PREX1: variants seen among roughly 807,000 people sequenced by gnomAD.
PREX1 encodes the protein phosphatidylinositol-3,4,5-trisphosphate dependent Rac exchange factor 1.
Under a neutral mutation model 198.3 loss-of-function variants are expected in PREX1, and 41 were observed. That is an observed-to-expected ratio of 0.21 (90% confidence interval 0.16 to 0.27). The LOEUF (loss-of-function observed/expected upper bound fraction) is 0.27. Among genes scored for constraint, PREX1 ranks in the 10% least tolerant of loss-of-function variants. The pLI is 1.00. For missense variants in PREX1, 1,620 were observed against 2,200.7 expected, an observed-to-expected ratio of 0.74 and a Z score of 5.28; for synonymous variants, 843 against 887.2, an observed-to-expected ratio of 0.95 and a Z score of 0.89.
the PREX1 span, among the ~76,000 whole-genome samples, chr20:48,885,837 G>A: frequency 7.2e-5 from 11 of 152,270 alleles, no homozygotes; most frequent in East Asian, 1.9e-4. Context: ...TGATTTCAAC[G>A]ACATGACATT....
chr20:48,821,232 C>T (rs1379555420), intron 1 of PREX1, among the ~76,000 whole-genome samples: 1 of 151,738 alleles, frequency 6.6e-6, no homozygotes, highest in Non-Finnish European at 1.5e-5. Flanking sequence ...TTGATCCTGG[C>T]TAAAACACAG....
chr20:48,638,465 C>G (rs1201557670), intron 30 of PREX1, among the ~76,000 whole-genome samples: 1 of 152,232 alleles, frequency 6.6e-6, no homozygotes, highest in East Asian at 1.9e-4. Context: ...TGTTCTCTTT[C>G]CTTAAAAAAG....
the PREX1 span, among the ~76,000 whole-genome samples, chr20:48,835,593 G>T: frequency 6.6e-6 from 1 of 152,220 alleles, no homozygotes; most frequent in African/African-American, 2.4e-5. Context: ...GTTCCGGGCA[G>T]CAGGAACAGC....
At chr20:48,793,973 G>A (rs2090349394) in intron 1 of PREX1, among the ~76,000 whole-genome samples, 1 of 152,156 alleles carries the variant, frequency 6.6e-6, no homozygotes, top group African/African-American at 2.4e-5. Flanking sequence ...CAAGTGTCTG[G>A]CCAGGAGAAG....
At chr20:48,690,612 T>C (rs1326878471) in intron 9 of PREX1, among the ~76,000 whole-genome samples, 1 of 152,048 alleles carries the variant, frequency 6.6e-6, no homozygotes, top group East Asian at 1.9e-4. Context: ...CTCCCAGAAT[T>C]AGATTCAGTG....
chr20:48,688,662 A>C lies in PREX1; in HGVS notation c.1329T>G (p.Leu443=), dbSNP rs369733036. Residue 443 remains leucine, a synonymous_variant, in exon 10 of 40, where the codon CTT becomes CTG. Transcript: ENST00000371941. ...TTCAGAGTGAGGCTACTCACTTGCC[A>C]AGAAAGCACTTGGGGACAGTGCTCA... is the stretch of plus-strand genomic sequence containing the variant. ...RKLSTVPKCF[L]GNEFVAWLLE... 1.2e-6 allele frequency: 2 copies of C among 1,614,120 alleles called. No homozygotes were observed. Among genetic ancestry groups the C allele is most frequent in the African/African-American group, 1.3e-5 (1 of 75,038 alleles).
rs146565069 is a variant in PREX1 at position 48,734,936 on chromosome 20, G to A, written c.415-286C>T. On this transcript the variant is annotated intron_variant, in intron 3 of 39. Transcript: ENST00000371941. ...GAAGAGCAGCCTGGGCTTGCACCAC[G>A]GCTCTGTATTTCCTGTGAACCTGGG... Among the ~76,000 whole-genome samples, 10 of 152,244 alleles carry A rather than the reference G, an allele frequency of 6.6e-5. No individual in the cohort carries two copies. The East Asian group carries it at 1.7e-3, about 27-fold the overall frequency.
chr20:48,740,887 C>T (rs2090078574), intron 3 of PREX1, among the ~76,000 whole-genome samples: 1 of 152,160 alleles, frequency 6.6e-6, no homozygotes, highest in African/African-American at 2.4e-5. Context: ...GCGGTAATAC[C>T]GTTTGGTTTC....
intron 1 of PREX1, among the ~76,000 whole-genome samples, chr20:48,751,968 C>A (rs1035859631): frequency 3.3e-5 from 5 of 152,118 alleles, no homozygotes; most frequent in Admixed American, 3.3e-4. Flanking sequence ...AGAAATTCAA[C>A]AAGTCTAGGG....
At chr20:48,778,451 G>C (rs1261377967) in intron 1 of PREX1, among the ~76,000 whole-genome samples, 1 of 151,028 alleles carries the variant, frequency 6.6e-6, no homozygotes, top group Non-Finnish European at 1.5e-5. Flanking sequence ...AAATTAGCCA[G>C]GCATGGCACA....
At chr20:48,883,758 A>C in the PREX1 span, among the ~76,000 whole-genome samples, 8 of 152,156 alleles carry the variant, frequency 5.3e-5, no homozygotes, top group Admixed American at 5.2e-4. Context: ...AAGGAAAGTC[A>C]TTGCATTTTC....
chr20:48,833,034 TTG>T, the PREX1 span, among the ~76,000 whole-genome samples: 1 of 152,220 alleles, frequency 6.6e-6, no homozygotes, highest in Non-Finnish European at 1.5e-5. Flanking sequence ...TGCTTCCTAA[TTG>T]TGTCACTTTG....
chr20:48,843,640 T>G, the PREX1 span, among the ~76,000 whole-genome samples: 1 of 152,214 alleles, frequency 6.6e-6, no homozygotes, highest in African/African-American at 2.4e-5. Context: ...TATAGTTTGC[T>G]CAGCGTGGCA....
chr20:48,739,768 T>C (rs967840579), intron 3 of PREX1, among the ~76,000 whole-genome samples: 6 of 152,218 alleles, frequency 3.9e-5, no homozygotes, highest in African/African-American at 1.4e-4. Flanking sequence ...CTCTACAGCC[T>C]GACTGTGTCA....
chr20:48,750,197 A>G (rs1657282257), intron 1 of PREX1, among the ~76,000 whole-genome samples: 1 of 152,080 alleles, frequency 6.6e-6, no homozygotes, highest in South Asian at 2.1e-4. Flanking sequence ...CCTGAATACT[A>G]CAACCACTGG....
rs758861350 is a variant in PREX1, at chr20:48,634,764, C to T, written c.4179G>A (p.Arg1393=). The T allele has an allele frequency of 6.8e-5, 110 of 1,613,994 alleles. No individual in the cohort carries two copies. The highest frequency in any genetic ancestry group is 9.2e-5 in the Non-Finnish European group (109 of 1,179,964). The change falls in exon 33 of 40, where the codon CGG becomes CGA. Residue 1393 remains arginine (R), a synonymous_variant. Coordinates refer to ENST00000371941, the MANE Select transcript of PREX1 (RefSeq NM_020820.4). Reference sequence around the variant, plus strand: ...TCACCCAGATGTCCTCCAGCATGGTCCGTTCCTCCTTCTGCAGGAAGAAGA... The same window carrying T: ...TCACCCAGATGTCCTCCAGCATGGTTCGTTCCTCCTTCTGCAGGAAGAAGA... The part of the protein sequence containing the change: ...LLSPATVKEE[R]TMLEDIWVTL...
At chr20:48,767,471 C>T (rs532412227) in intron 1 of PREX1, among the ~76,000 whole-genome samples, 3 of 152,174 alleles carry the variant, frequency 2.0e-5, no homozygotes, top group African/African-American at 7.2e-5. Context: ...AAGTCCCCAC[C>T]TGTCAGCGGG....
intron 33 of PREX1, among the ~76,000 whole-genome samples, chr20:48,634,240 T>C (rs754653222): frequency 4.1e-5 from 6 of 146,998 alleles, no homozygotes; most frequent in African/African-American, 1.3e-4. Flanking sequence ...GGGTGGAAAA[T>C]AGACACAGAG....
At position 48,679,324 on chromosome 20, in the gene PREX1, T is replaced by G. The variant is rs372367053; in HGVS notation, c.1589+36A>C. Reference sequence around the variant, plus strand: ...CCAAGGCCACACAGCTGAGAAGAGGTAGAGGTGAAATTGGAGCTTGGAAAG... The same window carrying G: ...CCAAGGCCACACAGCTGAGAAGAGGGAGAGGTGAAATTGGAGCTTGGAAAG... On this transcript the variant is annotated intron_variant, in intron 13 of 39. Coordinates refer to ENST00000371941, the MANE Select transcript of PREX1 (RefSeq NM_020820.4). 5 of 1,580,238 alleles carry G rather than the reference T, an allele frequency of 3.2e-6. No homozygotes were observed. The African/African-American group carries it at 5.4e-5, about 17-fold the overall frequency.
Sources: allele counts gnomAD v4.1 joint callset (sites outside exome capture counted in the v4.1 genomes callset), GRCh38; gene constraint gnomAD v4.1.1; transcripts MANE v1.5; gene names NCBI Gene and HGNC (gene_info 2026-07-23, HGNC 2026-07-21).